The following CCSER1 variants were observed in gnomAD, a reference collection of about 807,000 sequenced individuals.
CCSER1 encodes serine-rich coiled-coil domain-containing protein 1.
CCSER1 carries 41 observed loss-of-function variants against 82.0 expected under a neutral mutation model. The ratio of observed to expected loss-of-function variants is 0.50; its 90% CI spans 0.39 to 0.65. The LOEUF is 0.65. CCSER1 is among the 30% of genes least tolerant of loss of function. CCSER1 has a pLI of 0.00. For synonymous variants in CCSER1, 414 were observed against 383.9 expected, an observed-to-expected ratio of 1.08 and a Z score of -0.92; for missense variants, 1,119 against 1,064.2, an observed-to-expected ratio of 1.05 and a Z score of -0.72.
At chr4:91,091,798 G>GTT (rs1723988819) in intron 10 of CCSER1, among the ~76,000 whole-genome samples, 1 of 152,008 alleles carries the variant, frequency 6.6e-6, no homozygotes, top group African/African-American at 2.4e-5. Context: ...CACTGTGGCC[G>GTT]TAAGGGAGCT....
chr4:90,832,174 A>G (rs114816248), intron 8 of CCSER1, among the ~76,000 whole-genome samples: 2,645 of 152,178 alleles, frequency 0.017, 35 homozygotes, highest in Middle Eastern at 0.034. Flanking sequence ...CATATATTAA[A>G]TGGATTGCCT....
chr4:90,133,721 C>T (rs978678038), intron 1 of CCSER1, among the ~76,000 whole-genome samples: 1 of 152,150 alleles, frequency 6.6e-6, no homozygotes, highest in African/African-American at 2.4e-5. Context: ...TTTTCTACAT[C>T]GGTTGCCCTG....
intron 10 of CCSER1, among the ~76,000 whole-genome samples, chr4:91,125,380 A>G (rs1727424277): frequency 6.6e-6 from 1 of 151,750 alleles, no homozygotes; most frequent in Admixed American, 6.6e-5. Context: ...TAAACATTAC[A>G]TATCAAGAAT....
intron 10 of CCSER1, among the ~76,000 whole-genome samples, chr4:91,095,294 A>G (rs1361946617): frequency 6.6e-6 from 1 of 151,954 alleles, no homozygotes; most frequent in Non-Finnish European, 1.5e-5. Flanking sequence ...TATCTTTCCA[A>G]TGTCCTATTT....
chr4:91,366,040 T>G (rs758009280), intron 10 of CCSER1, among the ~76,000 whole-genome samples: 1 of 152,160 alleles, frequency 6.6e-6, no homozygotes, highest in Non-Finnish European at 1.5e-5. Flanking sequence ...AGGGGTGAGA[T>G]GGAGTTTTGC....
intron 6 of CCSER1, among the ~76,000 whole-genome samples, chr4:90,654,770 G>T (rs2149064574): frequency 6.6e-6 from 1 of 152,084 alleles, no homozygotes; most frequent in Admixed American, 6.6e-5. Flanking sequence ...GAGGCCTATT[G>T]CCCCACAGTA....
intron 7 of CCSER1, among the ~76,000 whole-genome samples, chr4:90,802,599 T>G (rs1198280881): frequency 6.6e-6 from 1 of 152,086 alleles, no homozygotes; most frequent in African/African-American, 2.4e-5. Context: ...TATAAAATAT[T>G]TTTTAATTGT....
intron 7 of CCSER1, among the ~76,000 whole-genome samples, chr4:90,798,149 T>A (rs1756294879): frequency 6.6e-6 from 1 of 152,168 alleles, no homozygotes; most frequent in Non-Finnish European, 1.5e-5. Flanking sequence ...TAATGCCGTA[T>A]TTCTCAGAGG....
intron 10 of CCSER1, among the ~76,000 whole-genome samples, chr4:91,244,500 G>T (rs547418800): frequency 2.0e-5 from 3 of 152,286 alleles, no homozygotes; most frequent in African/African-American, 7.2e-5. Flanking sequence ...CTGCTTATTT[G>T]GGAGAAAGTC....
chr4:90,605,254 C>T (rs1305889164), intron 5 of CCSER1, among the ~76,000 whole-genome samples: 1 of 152,190 alleles, frequency 6.6e-6, no homozygotes, highest in Non-Finnish European at 1.5e-5. Context: ...TCTGCAGCTT[C>T]ATTCTTGAAG....
At chr4:91,429,085 T>C (rs1488457852) in intron 10 of CCSER1, among the ~76,000 whole-genome samples, 1 of 152,038 alleles carries the variant, frequency 6.6e-6, no homozygotes, top group African/African-American at 2.4e-5. Context: ...TAAAGAGTTT[T>C]TGATAATATT....
intron 5 of CCSER1, among the ~76,000 whole-genome samples, chr4:90,611,199 C>T (rs112984604): frequency 0.012 from 1,847 of 151,562 alleles, 34 homozygotes; most frequent in African/African-American, 0.043. Flanking sequence ...GCGCCCAGCC[C>T]AGTTCATATT....
chr4:91,186,052 G>A (rs576211221), intron 10 of CCSER1, among the ~76,000 whole-genome samples: 91 of 152,262 alleles, frequency 6.0e-4, no homozygotes, highest in African/African-American at 2.0e-3. Context: ...TCACCCTCTC[G>A]TCTAGCTTGC....
chr4:90,510,507 C>G (rs1771345497), intron 5 of CCSER1, among the ~76,000 whole-genome samples: 8 of 152,112 alleles, frequency 5.3e-5, no homozygotes, highest in Admixed American at 5.2e-4. Context: ...ACATATGAGA[C>G]AAAGAAATGA....
At chr4:90,714,250 G>A (rs76707444) in intron 6 of CCSER1, among the ~76,000 whole-genome samples, 31,056 of 151,330 alleles carry the variant, frequency 0.21, 3,518 homozygotes, top group Middle Eastern at 0.27. Flanking sequence ...CTATTTATTC[G>A]TTTATTCCTT....
At chr4:90,916,493 C>G (rs1025734667) in intron 8 of CCSER1, among the ~76,000 whole-genome samples, 1 of 152,090 alleles carries the variant, frequency 6.6e-6, no homozygotes, top group Non-Finnish European at 1.5e-5. Context: ...CCCTTCCTTA[C>G]ACCTTATACA....
intron 9 of CCSER1, among the ~76,000 whole-genome samples, chr4:90,990,311 G>C (rs1465296562): frequency 6.6e-6 from 1 of 151,682 alleles, no homozygotes; most frequent in East Asian, 1.9e-4. Flanking sequence ...CTACTCACTG[G>C]GGCAAAATGT....
At chr4:91,088,561 T>C (rs1723616379) in intron 10 of CCSER1, among the ~76,000 whole-genome samples, 1 of 152,192 alleles carries the variant, frequency 6.6e-6, no homozygotes, top group Non-Finnish European at 1.5e-5. Flanking sequence ...AACACCTAAA[T>C]TGCTAAATTG....
intron 1 of CCSER1, among the ~76,000 whole-genome samples, chr4:90,297,082 G>T (rs960657944): frequency 2.6e-5 from 4 of 152,022 alleles, no homozygotes; most frequent in Admixed American, 2.0e-4. Flanking sequence ...ATTACCTTGG[G>T]CAGTATGGCC....
Sources: gnomAD v4.1 joint callset for allele counts (sites outside exome capture counted in the v4.1 genomes callset) on GRCh38, gnomAD v4.1.1 for gene constraint, MANE v1.5 for transcripts, NCBI Gene and HGNC (gene_info 2026-07-23, HGNC 2026-07-21) for gene names.